Variants in CLSTN2 observed in about 807,000 individuals in gnomAD.
CLSTN2 encodes calsyntenin 2.
Under a neutral mutation model 101.2 loss-of-function variants are expected in CLSTN2, and 48 were observed. The ratio of observed to expected loss-of-function variants is 0.47; its 90% CI spans 0.38 to 0.60. The LOEUF is 0.60. Among genes scored for constraint, CLSTN2 ranks in the 20% least tolerant of loss-of-function variants. The pLI, the probability that CLSTN2 is intolerant of heterozygous loss-of-function variation, is 0.00. For missense variants in CLSTN2, 1,160 were observed against 1,238.2 expected (o/e 0.94, Z 0.95); for synonymous variants, 481 against 463.6 (o/e 1.04, Z -0.48).
At chr3:140,171,719 A>G (rs1483272273) in intron 1 of CLSTN2, among the ~76,000 whole-genome samples, 30 of 114,180 alleles carry the variant, frequency 2.6e-4, no homozygotes, top group Admixed American at 1.2e-4. Flanking sequence ...ATTATGTATT[A>G]TATATTATAT....
At chr3:140,414,909 A>G (rs764416242) in intron 4 of CLSTN2, among the ~76,000 whole-genome samples, 2 of 152,038 alleles carry the variant, frequency 1.3e-5, no homozygotes, top group Non-Finnish European at 2.9e-5. Flanking sequence ...GAGGTATTAC[A>G]TTTCCTGATT....
At chr3:140,348,934 G>A (rs547490085) in intron 2 of CLSTN2, among the ~76,000 whole-genome samples, 115 of 152,210 alleles carry the variant, frequency 7.6e-4, no homozygotes, top group South Asian at 1.7e-3. Flanking sequence ...AAGACTGGTT[G>A]TCATTACTGT....
In CLSTN2 at chr3:140,175,991, A is replaced by G; in HGVS notation, c.150A>G (p.Gly50=). ...CATGGATCGAGACTTCATATCATGGAGTCATAACTGAGAACAATGACACAG... is the reference window on the plus strand; with the variant it reads ...CATGGATCGAGACTTCATATCATGGGGTCATAACTGAGAACAATGACACAG... ...HKPWIETSYH[G]VITENNDTVI... Residue 50 remains glycine, a synonymous_variant, in exon 2 of 17, where the codon GGA becomes GGG. Coordinates refer to ENST00000458420, the MANE Select transcript of CLSTN2 (RefSeq NM_022131.3). 6.2e-7 allele frequency: 1 copy of G among 1,613,620 alleles called. No individual in the cohort carries two copies. Among genetic ancestry groups the G allele is most frequent in the Non-Finnish European group, 8.5e-7 (1 of 1,179,664 alleles).
At chr3:140,526,602 AAAAAAC>A (rs1291696555) in intron 8 of CLSTN2, among the ~76,000 whole-genome samples, 1 of 148,982 alleles carries the variant, frequency 6.7e-6, no homozygotes, top group African/African-American at 2.6e-5. Flanking sequence ...AAACAAAAAA[AAAAAAC>A]AACCACAGCA....
rs186905908 is a variant in CLSTN2, at chr3:140,436,202, G to T, written c.788-12317G>T. ...TTTTTCCCAATGTTTTCTGATAGCT[G>T]TTTTCATAGTTTGAGGTCTTATATT... On this transcript the variant is annotated intron_variant, in intron 5 of 16. Coordinates refer to ENST00000458420, the MANE Select transcript of CLSTN2 (RefSeq NM_022131.3). Among the ~76,000 whole-genome samples the T allele has an allele frequency of 1.8e-3, 268 of 152,262 alleles. 1 individual carries two copies. Among genetic ancestry groups the T allele is most frequent in the African/African-American group, 6.2e-3 (256 of 41,552 alleles).
In CLSTN2 at chr3:140,092,083, A is replaced by G. The variant is rs535161785; in HGVS notation, c.110-83868A>G. Reference sequence around the variant, plus strand: ...CCCCACCCTCTAAGTCTGTCTGCAAAGGCTGCTGTGAGAATACTTCAGCAT... The same window carrying G: ...CCCCACCCTCTAAGTCTGTCTGCAAGGGCTGCTGTGAGAATACTTCAGCAT... On this transcript the variant is annotated intron_variant, in intron 1 of 16. Coordinates refer to ENST00000458420, the MANE Select transcript of CLSTN2 (RefSeq NM_022131.3). Among the ~76,000 whole-genome samples, 214 of 152,278 alleles carry G rather than the reference A, an allele frequency of 1.4e-3. 1 individual carries two copies. Among genetic ancestry groups the G allele is most frequent in the African/African-American group, 4.9e-3 (205 of 41,558 alleles).
chr3:140,294,683 C>T (rs1455959874), intron 2 of CLSTN2, among the ~76,000 whole-genome samples: 2 of 151,926 alleles, frequency 1.3e-5, no homozygotes, highest in Admixed American at 1.3e-4. Context: ...CACTCATTTT[C>T]TTTCTCTTCC....
intron 2 of CLSTN2, among the ~76,000 whole-genome samples, chr3:140,186,517 G>C (rs1209893031): frequency 2.0e-5 from 3 of 152,178 alleles, no homozygotes; most frequent in African/African-American, 7.2e-5. Flanking sequence ...TGTCCAGAGT[G>C]AGATCACTGA....
At chr3:140,164,468 A>T (rs766341958) in intron 1 of CLSTN2, among the ~76,000 whole-genome samples, 7 of 152,044 alleles carry the variant, frequency 4.6e-5, no homozygotes, top group Non-Finnish European at 8.8e-5. Flanking sequence ...CCTCTCAAAA[A>T]CCTTGCAGAA....
At chr3:140,347,639 A>G (rs77056776) in intron 2 of CLSTN2, among the ~76,000 whole-genome samples, 3,857 of 152,274 alleles carry the variant, frequency 0.025, 156 homozygotes, top group African/African-American at 0.088. Flanking sequence ...CACAATCTCC[A>G]GGTAGTACTT....
At chr3:140,482,906 T>C (rs535174758) in intron 8 of CLSTN2, among the ~76,000 whole-genome samples, 3 of 152,346 alleles carry the variant, frequency 2.0e-5, no homozygotes, top group East Asian at 1.9e-4. Context: ...CCTGGATTCA[T>C]TGATTTTTTG....
intron 1 of CLSTN2, among the ~76,000 whole-genome samples, chr3:140,094,052 A>T (rs1242410883): frequency 6.6e-6 from 1 of 152,218 alleles, no homozygotes. Flanking sequence ...GTTCCATATG[A>T]GAAATTCAAA....
chr3:140,219,233 G>A (rs1461290989), intron 2 of CLSTN2, among the ~76,000 whole-genome samples: 1 of 151,990 alleles, frequency 6.6e-6, no homozygotes, highest in East Asian at 2.0e-4. Context: ...ATAAAGAGTA[G>A]GGAAGAGGGT....
intron 2 of CLSTN2, among the ~76,000 whole-genome samples, chr3:140,240,903 G>T (rs2086461823): frequency 6.6e-6 from 1 of 152,080 alleles, no homozygotes; most frequent in Non-Finnish European, 1.5e-5. Flanking sequence ...TTTCTTCCTG[G>T]ATGGGATGCT....
At chr3:139,967,733 G>A (rs1935625566) in intron 1 of CLSTN2, among the ~76,000 whole-genome samples, 1 of 152,172 alleles carries the variant, frequency 6.6e-6, no homozygotes, top group Admixed American at 6.5e-5. Context: ...CAGCTTCCCA[G>A]GAGTAAAATA....
intron 2 of CLSTN2, among the ~76,000 whole-genome samples, chr3:140,395,309 T>C (rs930438227): frequency 2.3e-4 from 35 of 152,304 alleles, no homozygotes; most frequent in African/African-American, 7.5e-4. Flanking sequence ...CCTAGCTGCT[T>C]GCAGGCCAGA....
chr3:139,968,122 A>G (rs551853973), intron 1 of CLSTN2, among the ~76,000 whole-genome samples: 4 of 152,222 alleles, frequency 2.6e-5, no homozygotes, highest in Admixed American at 6.5e-5. Flanking sequence ...TGGACGGCCT[A>G]TATACCCTGT....
intron 2 of CLSTN2, among the ~76,000 whole-genome samples, chr3:140,372,206 A>C (rs2087866427): frequency 6.6e-6 from 1 of 152,132 alleles, no homozygotes; most frequent in Non-Finnish European, 1.5e-5. Context: ...CTCACTCCTC[A>C]GTCTGCTTCC....
intron 1 of CLSTN2, among the ~76,000 whole-genome samples, chr3:140,037,687 A>G (rs1037850441): frequency 3.3e-5 from 5 of 151,920 alleles, no homozygotes; most frequent in Non-Finnish European, 7.4e-5. Flanking sequence ...TTTCTTCCTG[A>G]TGCTCTCCCT....
Sources: gnomAD v4.1 joint callset for allele counts (sites outside exome capture counted in the v4.1 genomes callset) on GRCh38, gnomAD v4.1.1 for gene constraint, MANE v1.5 for transcripts, NCBI Gene and HGNC (gene_info 2026-07-23, HGNC 2026-07-21) for gene names.